Variants in DOCK2 observed in about 807,000 individuals in gnomAD.
The protein encoded by DOCK2 is dedicator of cytokinesis protein 2.
A neutral mutation model predicts 248.9 loss-of-function variants in DOCK2; 87 were observed. The ratio of observed to expected loss-of-function variants is 0.35; its 90% CI spans 0.29 to 0.42. The LOEUF (loss-of-function observed/expected upper bound fraction) is 0.42. Among genes scored for constraint, DOCK2 ranks in the 10% least tolerant of loss-of-function variants. The pLI, the probability that DOCK2 is intolerant of heterozygous loss-of-function variation, is 1.00. For synonymous variants in DOCK2, 805 were observed against 821.6 expected (o/e 0.98, Z 0.35); for missense variants, 1,747 against 2,300.2 (o/e 0.76, Z 4.92).
intron 25 of DOCK2, among the ~76,000 whole-genome samples, chr5:169,762,452 G>A (rs1764542383): frequency 6.6e-6 from 1 of 152,084 alleles, no homozygotes; most frequent in African/African-American, 2.4e-5. Flanking sequence ...TCACCACTGG[G>A]CCCCACTGGC....
chr5:169,718,828 T>C (rs1481056252), intron 22 of DOCK2, 37 bp downstream of exon 22: 1 of 1,591,760 alleles, frequency 6.3e-7, no homozygotes, highest in East Asian at 2.3e-5. Flanking sequence ...TGATTAGCTC[T>C]GCAATTCCTC....
chr5:169,842,417 G>A (rs188089184), intron 27 of DOCK2, among the ~76,000 whole-genome samples: 126 of 152,228 alleles, frequency 8.3e-4, no homozygotes, highest in Middle Eastern at 6.8e-3. Flanking sequence ...GAGTACAGTG[G>A]TGTGATCTCG....
At chr5:169,673,811 A>C (rs1314271314) in intron 5 of DOCK2, among the ~76,000 whole-genome samples, 2 of 152,176 alleles carry the variant, frequency 1.3e-5, no homozygotes, top group Non-Finnish European at 2.9e-5. Context: ...AGTGGGAGAG[A>C]ATCACCTAGG....
At chr5:169,877,655 TTAGA>T (rs60864148) in intron 27 of DOCK2, among the ~76,000 whole-genome samples, 4,076 of 152,142 alleles carry the variant, frequency 0.027, 171 homozygotes, top group South Asian at 0.11. Flanking sequence ...CTTGAAAATT[TTAGA>T]TAGATAGATA....
intron 22 of DOCK2, among the ~76,000 whole-genome samples, chr5:169,733,979 C>A (rs910473013): frequency 5.9e-5 from 9 of 152,088 alleles, no homozygotes; most frequent in Middle Eastern, 3.2e-3. Context: ...ATTCACATTT[C>A]TCCATATATT....
intron 21 of DOCK2, 69 bp from the exon 22 acceptor site, chr5:169,718,588 A>G: frequency 1.3e-6 from 2 of 1,554,716 alleles, no homozygotes; most frequent in Non-Finnish European, 1.8e-6. Context: ...TGAATGCCTT[A>G]TAATTTACTG....
intron 9 of DOCK2, chr5:169,695,240 C>G (rs770003639): frequency 1.3e-5 from 2 of 153,022 alleles, no homozygotes; most frequent in African/African-American, 2.4e-5. Flanking sequence ...GCCCCCACCC[C>G]TCTGCATTGG....
At chr5:169,916,756 A>C (rs1045330401) in intron 27 of DOCK2, among the ~76,000 whole-genome samples, 1 of 152,192 alleles carries the variant, frequency 6.6e-6, no homozygotes, top group African/African-American at 2.4e-5. Flanking sequence ...AGAATTTGGC[A>C]TATATAAGTC....
At position 169,860,869 on chromosome 5, in the gene DOCK2, G is replaced by A. The variant is rs549329710; in HGVS notation, c.2799+20017G>A. Among the ~76,000 whole-genome samples the A allele has an allele frequency of 5.9e-5, 9 of 152,282 alleles. No homozygotes were observed. In the South Asian group the frequency reaches 1.5e-3, roughly 25 times the overall value. On this transcript the variant is annotated intron_variant, in intron 27 of 51. Transcript: ENST00000520908. ...GGCTTAGCAGCCTCAATAGCAACAG[G>A]GTTTAGCAAGAACTTAATAAGATAT... is the stretch of plus-strand genomic sequence containing the variant.
intron 8 of DOCK2, among the ~76,000 whole-genome samples, chr5:169,688,118 G>T (rs1051060084): frequency 3.9e-5 from 6 of 152,110 alleles, no homozygotes; most frequent in African/African-American, 1.4e-4. Flanking sequence ...TAGAGGCAGG[G>T]TTTCACCATG....
At chr5:169,993,863 G>T (rs1319697916) in intron 29 of DOCK2, among the ~76,000 whole-genome samples, 1 of 151,758 alleles carries the variant, frequency 6.6e-6, no homozygotes. Context: ...AATCAGTGAG[G>T]GGCTACAGCT....
intron 28 of DOCK2, 113 bp from the exon 29 acceptor site, chr5:169,985,715 G>A: frequency 1.5e-6 from 1 of 677,544 alleles, no homozygotes. Flanking sequence ...GAAAGGCTGT[G>A]TCCCTTCCCT....
chr5:169,768,971 G>A (rs1380870818), intron 25 of DOCK2, among the ~76,000 whole-genome samples: 1 of 152,170 alleles, frequency 6.6e-6, no homozygotes, highest in East Asian at 1.9e-4. Context: ...CCTCCCTGAT[G>A]TCTCAGGCAT....
chr5:169,748,769 T>C (rs554434058), intron 23 of DOCK2, among the ~76,000 whole-genome samples: 66 of 152,360 alleles, frequency 4.3e-4, no homozygotes, highest in Non-Finnish European at 7.1e-4. Flanking sequence ...TTCTGTTTTA[T>C]GATGAGATAG....
chr5:169,735,240 G>T (rs1561648392), intron 22 of DOCK2, among the ~76,000 whole-genome samples: 1 of 152,066 alleles, frequency 6.6e-6, no homozygotes, highest in Non-Finnish European at 1.5e-5. Context: ...TCCTGGTCTG[G>T]CCCTGTAGCC....
intron 20 of DOCK2, among the ~76,000 whole-genome samples, chr5:169,717,131 G>T (rs1015681945): frequency 6.6e-6 from 1 of 151,920 alleles, no homozygotes; most frequent in Non-Finnish European, 1.5e-5. Context: ...CAATAAGAAA[G>T]TCTAATAATG....
At chr5:170,001,776 C>G (rs751238596) in intron 30 of DOCK2, among the ~76,000 whole-genome samples, 2 of 152,026 alleles carry the variant, frequency 1.3e-5, no homozygotes, top group African/African-American at 4.8e-5. Flanking sequence ...ATGCTGACAG[C>G]CAGTAGAGGA....
intron 34 of DOCK2, among the ~76,000 whole-genome samples, chr5:170,029,922 C>G (rs1421467992): frequency 2.0e-5 from 3 of 152,208 alleles, no homozygotes; most frequent in Non-Finnish European, 2.9e-5. Flanking sequence ...GGCCCCTGTC[C>G]CCTTCCTGTC....
chr5:169,911,483 G>A (rs752500516), intron 27 of DOCK2, among the ~76,000 whole-genome samples: 2 of 152,168 alleles, frequency 1.3e-5, no homozygotes, highest in Non-Finnish European at 2.9e-5. Context: ...GTTTAATGTG[G>A]CCAGTGACAT....
Sources: allele counts gnomAD v4.1 joint callset (sites outside exome capture counted in the v4.1 genomes callset), GRCh38; gene constraint gnomAD v4.1.1; transcripts MANE v1.5; gene names NCBI Gene and HGNC (gene_info 2026-07-23, HGNC 2026-07-21).